SOBP: variants seen among roughly 807,000 people sequenced by gnomAD.
The protein encoded by SOBP is sine oculis-binding protein homolog.
Under a neutral mutation model 53.6 loss-of-function variants are expected in SOBP, and 4 were observed. The observed-to-expected ratio is 0.07, with a 90% CI of 0.04 to 0.17. The LOEUF is 0.17. Among genes scored for constraint, SOBP ranks in the 10% least tolerant of loss-of-function variants. SOBP has a pLI of 1.00. For synonymous variants in SOBP, 584 were observed against 522.6 expected (o/e 1.12, Z -1.60); for missense variants, 1,088 against 1,204.7 (o/e 0.90, Z 1.43).
intron 4 of SOBP, among the ~76,000 whole-genome samples, chr6:107,536,712 A>T (rs1784008642): frequency 6.6e-6 from 1 of 152,170 alleles, no homozygotes; most frequent in African/African-American, 2.4e-5. Flanking sequence ...ATTGCTACGA[A>T]TATTAGGCTT....
chr6:107,521,384 G>C (rs562678487), intron 3 of SOBP, among the ~76,000 whole-genome samples: 20 of 152,288 alleles, frequency 1.3e-4, no homozygotes, highest in African/African-American at 4.1e-4. Context: ...ATTTGAGAAA[G>C]CTATGAACAG....
intron 4 of SOBP, among the ~76,000 whole-genome samples, chr6:107,560,572 C>G (rs556636164): frequency 3.3e-5 from 5 of 152,284 alleles, no homozygotes; most frequent in South Asian, 4.1e-4. Context: ...TGGATACTCA[C>G]GGTTTCTCCC....
intron 3 of SOBP, among the ~76,000 whole-genome samples, chr6:107,518,206 A>G (rs1477555880): frequency 6.6e-6 from 1 of 152,232 alleles, no homozygotes; most frequent in Non-Finnish European, 1.5e-5. Flanking sequence ...CCTTCATCAA[A>G]GAAAATATCC....
rs970962167 is a variant in SOBP at position 107,659,151 on chromosome 6, T to C, written c.*948T>C. ...AAATTTCAACCCTGATGGTTTTCGG[T>C]GATCCAGGAAGTCAGTGAGACAATC... On this transcript the variant is annotated 3_prime_UTR_variant, in exon 7 of 7. Transcript: ENST00000317357. 6 of 152,572 alleles carry C rather than the reference T, an allele frequency of 3.9e-5. No individual in the cohort carries two copies. Among genetic ancestry groups the C allele is most frequent in the African/African-American group, 1.4e-4 (6 of 41,446 alleles). 9.5% of individuals were successfully genotyped at this position (152,572 alleles called of 1,614,324 possible).
At chr6:107,533,351 C>T in intron 3 of SOBP, 108 bp from the exon 4 acceptor site, 1 of 1,070,518 alleles carries the variant, frequency 9.3e-7, no homozygotes. Flanking sequence ...TCTCCAAGGT[C>T]CAGAAACTAA....
rs573546026 is a variant in SOBP, at chr6:107,548,989, C to T, written c.573+15379C>T. ...TTGAATTAAAAACAGATAAACCGGC[C>T]GGGCGCAGTGGCTCAAGCCTGTAAT... On this transcript the variant is annotated intron_variant, in intron 4 of 6. Coordinates refer to ENST00000317357, the MANE Select transcript of SOBP (RefSeq NM_018013.4). 5.9e-5 allele frequency among the ~76,000 whole-genome samples: 9 copies of T among 151,708 alleles called. No homozygotes were observed. In the East Asian group the frequency reaches 1.6e-3, roughly 26 times the overall value.
intron 3 of SOBP, among the ~76,000 whole-genome samples, chr6:107,530,597 ATT>A (rs2114983567): frequency 6.6e-6 from 1 of 152,124 alleles, no homozygotes; most frequent in East Asian, 1.9e-4. Context: ...TGTTTTTTAA[ATT>A]TTTTGAATAA....
rs1052440853 is a variant in SOBP, at chr6:107,501,197, A to C, written c.97-2460A>C. Among the ~76,000 whole-genome samples the C allele has an allele frequency of 2.0e-5, 3 of 152,220 alleles. No homozygotes were observed. The East Asian group carries it at 5.8e-4, about 29-fold the overall frequency. The stretch of plus-strand genomic sequence containing the variant: ...ACTTTTCAGCACAAACCGTAAACTA[A>C]ACTGATGTAGTTTTGATGCCCAAAT... On this transcript the variant is annotated intron_variant, in intron 1 of 6. Coordinates refer to ENST00000317357, the MANE Select transcript of SOBP (RefSeq NM_018013.4).
chr6:107,546,603 A>G (rs969161583), intron 4 of SOBP, among the ~76,000 whole-genome samples: 1 of 152,204 alleles, frequency 6.6e-6, no homozygotes, highest in Non-Finnish European at 1.5e-5. Flanking sequence ...TCTGGATTTG[A>G]AATGGGTGAG....
Position 107,578,401 on chromosome 6 carries a change from G to A in SOBP, c.574-8679G>A, listed in dbSNP as rs369777620. On this transcript the variant is annotated intron_variant, in intron 4 of 6. Transcript: ENST00000317357. ...ATGACACCAGTATTTTCAAGTTATTGTACACAATTTACCTTTGCCACCAGC... is the reference window on the plus strand; with the variant it reads ...ATGACACCAGTATTTTCAAGTTATTATACACAATTTACCTTTGCCACCAGC... Among the ~76,000 whole-genome samples the A allele has an allele frequency of 9.7e-4, 148 of 152,138 alleles. 3 individuals carry two copies. The South Asian group carries it at 0.031, about 32-fold the overall frequency.
At chr6:107,493,539 A>C (rs530131963) in intron 1 of SOBP, among the ~76,000 whole-genome samples, 1 of 152,328 alleles carries the variant, frequency 6.6e-6, no homozygotes, top group Non-Finnish European at 1.5e-5. Flanking sequence ...ATCGTGGTGT[A>C]CAGTGACCTA....
At chr6:107,506,538 G>T (rs1185222024) in intron 3 of SOBP, 111 bp downstream of exon 3, 17 of 1,183,616 alleles carry the variant, frequency 1.4e-5, no homozygotes, top group African/African-American at 9.1e-5. Flanking sequence ...CTGTTTTAGG[G>T]ACCTTATAGG....
chr6:107,567,001 A>G (rs549736812), intron 4 of SOBP, among the ~76,000 whole-genome samples: 3 of 152,316 alleles, frequency 2.0e-5, no homozygotes, highest in Admixed American at 1.3e-4. Context: ...TCTGCACAAC[A>G]TTTATTACAG....
At chr6:107,552,153 T>C (rs1784477389) in intron 4 of SOBP, among the ~76,000 whole-genome samples, 1 of 152,218 alleles carries the variant, frequency 6.6e-6, no homozygotes, top group South Asian at 2.1e-4. Context: ...TTTCTCACCG[T>C]TGGATGGATT....
At chr6:107,505,809 C>G (rs1326563342) in intron 2 of SOBP, among the ~76,000 whole-genome samples, 3 of 151,746 alleles carry the variant, frequency 2.0e-5, no homozygotes, top group Non-Finnish European at 4.4e-5. Flanking sequence ...CATCACCATG[C>G]CCGGCTAAGT....
chr6:107,572,236 G>A (rs910847431), intron 4 of SOBP, among the ~76,000 whole-genome samples: 1 of 151,120 alleles, frequency 6.6e-6, no homozygotes, highest in Non-Finnish European at 1.5e-5. Flanking sequence ...AATAAATCTG[G>A]CAACACTTAG....
chr6:107,539,777 C>T (rs1458146932), intron 4 of SOBP, among the ~76,000 whole-genome samples: 1 of 152,148 alleles, frequency 6.6e-6, no homozygotes, highest in Non-Finnish European at 1.5e-5. Flanking sequence ...CTTACATTTC[C>T]AACTCTCTCA....
Position 107,573,817 on chromosome 6 carries a change from C to T in SOBP, c.574-13263C>T, listed in dbSNP as rs147896686. On this transcript the variant is annotated intron_variant, in intron 4 of 6. Transcript: ENST00000317357. ...ATTATTTAAACATCTAAGTTTTAAA[C>T]AGGCTATAAATATATGATCTTTGAC... 3.6e-3 allele frequency among the ~76,000 whole-genome samples: 552 copies of T among 152,328 alleles called. 3 individuals are homozygous for T. The highest frequency in any genetic ancestry group is 6.4e-3 in the Non-Finnish European group (437 of 68,036).
At chr6:107,563,642 A>G (rs1187324755) in intron 4 of SOBP, among the ~76,000 whole-genome samples, 1 of 152,140 alleles carries the variant, frequency 6.6e-6, no homozygotes, top group Middle Eastern at 3.2e-3. Context: ...ACAGAAAAGA[A>G]TAAGCATTTT....
Sources: allele counts gnomAD v4.1 joint callset (sites outside exome capture counted in the v4.1 genomes callset), GRCh38; gene constraint gnomAD v4.1.1; transcripts MANE v1.5; gene names NCBI Gene and HGNC (gene_info 2026-07-23, HGNC 2026-07-21).